Variants in RBFOX1 observed in about 807,000 individuals in gnomAD.
RBFOX1 encodes RNA binding fox-1 homolog 1.
A neutral mutation model predicts 57.7 loss-of-function variants in RBFOX1; 8 were observed. That is an observed-to-expected ratio of 0.14 (90% CI 0.08 to 0.25). The LOEUF (loss-of-function observed/expected upper bound fraction) is 0.25, where lower values mean the gene tolerates loss of function less well. Ranked by LOEUF, RBFOX1 falls within the 10% of genes least tolerant of loss-of-function variation. RBFOX1 has a pLI of 1.00. For missense variants in RBFOX1, 611 were observed against 548.5 expected (o/e 1.11, Z -1.14); for synonymous variants, 326 against 222.4 (o/e 1.47, Z -4.15).
chr16:7,133,136 C>T (rs1444768213), intron 4 of RBFOX1, among the ~76,000 whole-genome samples: 1 of 152,076 alleles, frequency 6.6e-6, no homozygotes, highest in African/African-American at 2.4e-5. Context: ...GGTTTTAATA[C>T]CAAGATCCAT....
chr16:7,282,770 T>A (rs896474784), intron 4 of RBFOX1, among the ~76,000 whole-genome samples: 1 of 152,180 alleles, frequency 6.6e-6, no homozygotes, highest in African/African-American at 2.4e-5. Flanking sequence ...GTCCACTGTG[T>A]CATTCTTATG....
At chr16:6,112,285 G>A (rs1484252525) in intron 1 of RBFOX1, among the ~76,000 whole-genome samples, 2 of 152,170 alleles carry the variant, frequency 1.3e-5, no homozygotes, top group African/African-American at 4.8e-5. Flanking sequence ...TTAAATAAAT[G>A]AATATAGTAA....
intron 3 of RBFOX1, among the ~76,000 whole-genome samples, chr16:6,758,504 C>T (rs1272475447): frequency 6.6e-6 from 1 of 151,986 alleles, no homozygotes; most frequent in Non-Finnish European, 1.5e-5. Context: ...ACGTGAGAGT[C>T]CAGCCTAGAA....
chr16:6,606,821 C>T lies in RBFOX1; in HGVS notation c.-63-47782C>T, dbSNP rs527255398. On this transcript the variant is annotated intron_variant, in intron 2 of 15. Transcript: ENST00000550418. ...TGAATAGTGCTGCAGTGAACATACG[C>T]GTGCATGTATCTTTATAATAGAATG... Among the ~76,000 whole-genome samples the T allele has an allele frequency of 5.9e-5, 9 of 152,230 alleles. No homozygotes were observed. In the South Asian group the frequency reaches 8.3e-4, roughly 14 times the overall value.
intron 2 of RBFOX1, among the ~76,000 whole-genome samples, chr16:5,523,088 C>G (rs982629746): frequency 1.3e-5 from 2 of 152,000 alleles, no homozygotes; most frequent in African/African-American, 4.8e-5. Flanking sequence ...GAGTTCGAGA[C>G]TAGCCTGGCC....
intron 2 of RBFOX1, among the ~76,000 whole-genome samples, chr16:6,419,890 C>T (rs2093727151): frequency 6.6e-6 from 1 of 152,144 alleles, no homozygotes; most frequent in Non-Finnish European, 1.5e-5. Context: ...CCTGGACCAT[C>T]AATCAGTAAA....
chr16:6,077,038 G>T (rs182032599), intron 1 of RBFOX1, among the ~76,000 whole-genome samples: 1 of 152,244 alleles, frequency 6.6e-6, no homozygotes, highest in East Asian at 1.9e-4. Context: ...TGAAGCGCTC[G>T]GCAAATGTAG....
chr16:6,709,684 G>C (rs935328789), intron 3 of RBFOX1, among the ~76,000 whole-genome samples: 9 of 152,088 alleles, frequency 5.9e-5, no homozygotes, highest in Non-Finnish European at 1.0e-4. Context: ...TGGTGCTGAA[G>C]GGTTTATTGT....
chr16:7,237,304 C>G (rs554575059), intron 4 of RBFOX1, among the ~76,000 whole-genome samples: 1 of 152,284 alleles, frequency 6.6e-6, no homozygotes, highest in East Asian at 1.9e-4. Context: ...TCCCTGTCTG[C>G]TGAGCATTTG....
At chr16:5,619,365 G>A (rs1009448647) in intron 3 of RBFOX1, among the ~76,000 whole-genome samples, 1 of 152,128 alleles carries the variant, frequency 6.6e-6, no homozygotes. Flanking sequence ...TGTTCAACAT[G>A]AGATTAACAG....
At chr16:7,041,082 A>ATTTTTTTTTTT (rs61569211) in intron 3 of RBFOX1, among the ~76,000 whole-genome samples, 719 of 109,268 alleles carry the variant, frequency 6.6e-3, no homozygotes, top group Middle Eastern at 0.014. Flanking sequence ...CGCCCAGCTA[A>ATTTTTTTTTTT]TTTTTTTTTT....
chr16:7,064,161 CTT>C (rs869135535), intron 4 of RBFOX1, among the ~76,000 whole-genome samples: 58,137 of 96,250 alleles, frequency 0.6, 16,900 homozygotes, highest in Non-Finnish European at 0.63. Flanking sequence ...GACTGGTGTT[CTT>C]TTTTTTTTTT....
At chr16:6,594,135 G>T (rs1386323384) in intron 2 of RBFOX1, among the ~76,000 whole-genome samples, 2 of 152,194 alleles carry the variant, frequency 1.3e-5, no homozygotes, top group Non-Finnish European at 2.9e-5. Flanking sequence ...CATAAGAAAT[G>T]ACAGGAGCTT....
chr16:6,035,708 A>G (rs1362368850), intron 1 of RBFOX1, among the ~76,000 whole-genome samples: 2 of 152,188 alleles, frequency 1.3e-5, no homozygotes, highest in Non-Finnish European at 2.9e-5. Flanking sequence ...TCACCTTCTT[A>G]GAATCCTCAG....
intron 3 of RBFOX1, among the ~76,000 whole-genome samples, chr16:6,765,285 A>G (rs2077176631): frequency 1.3e-5 from 2 of 152,206 alleles, no homozygotes; most frequent in African/African-American, 4.8e-5. Context: ...CAAACACAAT[A>G]TATAGCTCAA....
chr16:7,157,566 C>G (rs1385557823), intron 4 of RBFOX1, among the ~76,000 whole-genome samples: 1 of 152,048 alleles, frequency 6.6e-6, no homozygotes, highest in African/African-American at 2.4e-5. Context: ...AGCTTAAGTC[C>G]AGGCACGTGA....
Position 6,551,716 on chromosome 16 carries a change from T to C in RBFOX1, c.-63-102887T>C, listed in dbSNP as rs1262837860. On this transcript the variant is annotated intron_variant, in intron 2 of 15. Coordinates refer to ENST00000550418, the MANE Select transcript of RBFOX1 (RefSeq NM_018723.4). ...AAAAGATTAGAGCCAAAATGAATAA[T>C]GTATCCATGTCTGATGATTGATAAT... Among the ~76,000 whole-genome samples, 6 of 152,186 alleles carry C rather than the reference T, an allele frequency of 3.9e-5. No homozygotes were observed. In the East Asian group the frequency reaches 9.6e-4, roughly 24 times the overall value.
chr16:7,317,935 A>G (rs944555013), intron 4 of RBFOX1, among the ~76,000 whole-genome samples: 1 of 152,178 alleles, frequency 6.6e-6, no homozygotes, highest in African/African-American at 2.4e-5. Context: ...AGCTCAATAC[A>G]TACTTCTACT....
chr16:6,005,367 G>A (rs2060675112), intron 4 of RBFOX1, among the ~76,000 whole-genome samples: 1 of 152,186 alleles, frequency 6.6e-6, no homozygotes, highest in Admixed American at 6.5e-5. Flanking sequence ...AATGTTTGTT[G>A]AGCATCTGCT....
Sources: gnomAD v4.1 joint callset for allele counts (sites outside exome capture counted in the v4.1 genomes callset) on GRCh38, gnomAD v4.1.1 for gene constraint, MANE v1.5 for transcripts, NCBI Gene and HGNC (gene_info 2026-07-23, HGNC 2026-07-21) for gene names.